NAPEPLD: variants seen among roughly 807,000 people sequenced by gnomAD.
NAPEPLD encodes the protein N-acyl-phosphatidylethanolamine-hydrolyzing phospholipase D.
Under a neutral mutation model 38.1 loss-of-function variants are expected in NAPEPLD, and 23 were observed. That is an observed-to-expected ratio of 0.60 (90% CI 0.43 to 0.86). The LOEUF is 0.86. Ranked by LOEUF, NAPEPLD falls within the 40% of genes least tolerant of loss-of-function variation. The probability of loss-of-function intolerance (pLI) is 0.00; values close to 1 mark genes in which losing one functional copy is unlikely to be tolerated. For synonymous variants in NAPEPLD, 147 were observed against 162.0 expected (o/e 0.91, Z 0.71); for missense variants, 411 against 476.8 (o/e 0.86, Z 1.28).
In NAPEPLD at chr7:103,103,636, T is replaced by C. The variant is rs1283453492; in HGVS notation, c.1057-82A>G. On this transcript the variant is annotated intron_variant, in intron 4 of 4. Coordinates refer to ENST00000465647, the MANE Select transcript of NAPEPLD (RefSeq NM_001122838.3). ...TTCCAAATAACAGTTCAAACTAAAA[T>C]AACCAACAGATGCCTAGTTAGAATT... The C allele has an allele frequency of 2.1e-6, 3 of 1,416,366 alleles. No homozygotes were observed. In the African/African-American group the frequency reaches 4.5e-5, roughly 21 times the overall value. The allele number at this position is 1,416,366 out of a possible 1,614,324, so 87.7% of individuals were successfully genotyped here. A position where few individuals can be genotyped will look rare whatever the true frequency, so the allele number is the denominator to read the frequency against.
At chr7:103,108,144 T>A (rs1003233171) in intron 4 of NAPEPLD, among the ~76,000 whole-genome samples, 1 of 6,794 alleles carries the variant, frequency 1.5e-4, no homozygotes, top group Non-Finnish European at 0.1. Context: ...CTTTTTTTTT[T>A]TTTTTTTTTT....
chr7:103,141,772 C>A (rs1190815375), intron 1 of NAPEPLD: 2 of 857,098 alleles, frequency 2.3e-6, no homozygotes, highest in Admixed American at 3.4e-5. Flanking sequence ...GGGAATGGAC[C>A]ATCACAGGCT....
intron 2 of NAPEPLD, among the ~76,000 whole-genome samples, chr7:103,126,249 G>A (rs1807775478): frequency 6.6e-6 from 1 of 152,152 alleles, no homozygotes; most frequent in Admixed American, 6.5e-5. Context: ...CTCCAAGCAT[G>A]AATTTTGAGT....
intron 4 of NAPEPLD, among the ~76,000 whole-genome samples, chr7:103,110,953 G>A (rs1047315229): frequency 1.3e-5 from 2 of 151,670 alleles, no homozygotes; most frequent in South Asian, 2.1e-4. Context: ...ACTCAAAAGC[G>A]AGCAGAAGAC....
intron 4 of NAPEPLD, among the ~76,000 whole-genome samples, chr7:103,108,699 C>T (rs1803901256): frequency 6.6e-6 from 1 of 152,122 alleles, no homozygotes; most frequent in South Asian, 2.1e-4. Context: ...AGCAAAATAA[C>T]CAGCTAACAT....
intron 4 of NAPEPLD, among the ~76,000 whole-genome samples, chr7:103,113,777 C>T (rs972416151): frequency 1.1e-4 from 16 of 151,860 alleles, no homozygotes; most frequent in Non-Finnish European, 2.1e-4. Context: ...ATTATAGGCG[C>T]CTGCCACCAC....
intron 1 of NAPEPLD, among the ~76,000 whole-genome samples, chr7:103,142,400 G>A (rs1279021728): frequency 1.3e-5 from 2 of 152,164 alleles, no homozygotes; most frequent in Non-Finnish European, 2.9e-5. Flanking sequence ...GAGGTCAGGA[G>A]TTCGAGACCA....
In NAPEPLD at chr7:103,110,841, A is replaced by G. The variant is rs141559947; in HGVS notation, c.1056+4219T>C. Reference sequence around the variant, plus strand: ...ATATTTAGAGAAACCCATCATCTCAACCCAAAATCTCCTTAAGCTGATAAG... The same window carrying G: ...ATATTTAGAGAAACCCATCATCTCAGCCCAAAATCTCCTTAAGCTGATAAG... On this transcript the variant is annotated intron_variant, in intron 4 of 4. Transcript: ENST00000465647. 1.1e-4 allele frequency among the ~76,000 whole-genome samples: 16 copies of G among 152,288 alleles called. No homozygotes were observed. The East Asian group carries it at 2.9e-3, about 28-fold the overall frequency.
intron 2 of NAPEPLD, chr7:103,127,390 T>G (rs1351776050): frequency 6.6e-6 from 1 of 152,084 alleles, no homozygotes; most frequent in Non-Finnish European, 1.5e-5. Context: ...ATAAAGACAT[T>G]TCAGACAAGC....
chr7:103,137,189 G>A (rs532728691), intron 1 of NAPEPLD, among the ~76,000 whole-genome samples: 2 of 152,312 alleles, frequency 1.3e-5, no homozygotes, highest in East Asian at 1.9e-4. Flanking sequence ...TGCCCGCATT[G>A]GCCTCCCAAA....
chr7:103,108,355 C>T (rs1166438544), intron 4 of NAPEPLD, among the ~76,000 whole-genome samples: 1 of 152,066 alleles, frequency 6.6e-6, no homozygotes, highest in African/African-American at 2.4e-5. Flanking sequence ...GTTGGTCAGG[C>T]TGGTCTCGAA....
intron 4 of NAPEPLD, among the ~76,000 whole-genome samples, chr7:103,108,488 A>C (rs1037332781): frequency 6.6e-6 from 1 of 152,206 alleles, no homozygotes; most frequent in African/African-American, 2.4e-5. Context: ...ATGCAGCCAA[A>C]CTAAGCTTCA....
chr7:103,110,822 A>G (rs1023690229), intron 4 of NAPEPLD, among the ~76,000 whole-genome samples: 1 of 152,220 alleles, frequency 6.6e-6, no homozygotes, highest in Non-Finnish European at 1.5e-5. Context: ...TTGTATATTT[A>G]GAGAAACCCA....
In NAPEPLD at chr7:103,102,306, C is replaced by A. The variant is rs1188440136; in HGVS notation, c.*1123G>T. On this transcript the variant is annotated 3_prime_UTR_variant, in exon 5 of 5. Transcript: ENST00000465647. ...AATGGCATAAATCATATTCTCATAG[C>A]CACACTCCTTCCCTTCCTCTGCTCA... The A allele has an allele frequency of 1.3e-5, 2 of 152,164 alleles. No individual in the cohort carries two copies. The highest frequency in any genetic ancestry group is 3.9e-4 in the East Asian group (2 of 5,164). 9.4% of individuals were successfully genotyped at this position (152,164 alleles called of 1,614,324 possible). A position where few individuals can be genotyped will look rare whatever the true frequency, so the allele number is the denominator to read the frequency against.
intron 1 of NAPEPLD, among the ~76,000 whole-genome samples, chr7:103,137,184 G>A (rs1184689969): frequency 2.0e-5 from 3 of 152,152 alleles, no homozygotes; most frequent in African/African-American, 4.8e-5. Context: ...TGATCTGCCC[G>A]CATTGGCCTC....
chr7:103,120,178 T>C lies in NAPEPLD; in HGVS notation c.340A>G (p.Asn114Asp). ...TCCCTCACTCCAGCTTCTTCAGGGT[T>C]AGTGATAAAATATGGCTTAAGCACT... ...LPVLKPYFIT[N>D]PEEAGVREAG... is the part of the protein sequence containing the mutation. The change falls in exon 3 of 5, where the codon AAC becomes GAC. Residue 114 changes from asparagine (N) to aspartate (D), a missense_variant. Physicochemically the swap from Asn to Asp is conservative, Grantham distance 23. Coordinates refer to ENST00000465647, the MANE Select transcript of NAPEPLD (RefSeq NM_001122838.3). 1 of 1,614,140 alleles carries C rather than the reference T, an allele frequency of 6.2e-7. No individual in the cohort carries two copies. The highest frequency in any genetic ancestry group is 8.5e-7 in the Non-Finnish European group (1 of 1,180,018).
intron 4 of NAPEPLD, 38 bp downstream of exon 4, chr7:103,115,022 C>A: frequency 1.3e-6 from 2 of 1,506,502 alleles, no homozygotes; most frequent in South Asian, 2.3e-5. Flanking sequence ...TATCATTGGT[C>A]AAACACACAA....
At chr7:103,134,571 A>C (rs6465901) in intron 1 of NAPEPLD, among the ~76,000 whole-genome samples, 135,859 of 152,150 alleles carry the variant, frequency 0.89, 62,643 homozygotes, top group East Asian at 1. Context: ...AATCACTTGA[A>C]CCCTGGAGGC....
intron 1 of NAPEPLD, among the ~76,000 whole-genome samples, 199 bp from the exon 2 acceptor site, chr7:103,128,991 C>T (rs781690672): frequency 2.0e-5 from 3 of 152,134 alleles, no homozygotes; most frequent in Non-Finnish European, 4.4e-5. Context: ...ATGTGCCAGG[C>T]GCAGTGGCTC....
Sources: allele counts gnomAD v4.1 joint callset (sites outside exome capture counted in the v4.1 genomes callset), GRCh38; gene constraint gnomAD v4.1.1; transcripts MANE v1.5; gene names NCBI Gene and HGNC (gene_info 2026-07-23, HGNC 2026-07-21).